The following GABRG3 variants were observed in gnomAD, a reference collection of about 807,000 sequenced individuals.
The protein encoded by GABRG3 is gamma-aminobutyric acid receptor subunit gamma-3.
In GABRG3, 25 loss-of-function variants were observed where a neutral mutation model predicts 48.8. The ratio of observed to expected loss-of-function variants is 0.51; its 90% confidence interval spans 0.37 to 0.72. The LOEUF (loss-of-function observed/expected upper bound fraction) is 0.72. Ranked by LOEUF, GABRG3 falls within the 30% of genes least tolerant of loss-of-function variation. GABRG3 has a pLI of 0.00. For synonymous variants in GABRG3, 227 were observed against 217.6 expected, an observed-to-expected ratio of 1.04 and a Z score of -0.38; for missense variants, 394 against 577.9, an observed-to-expected ratio of 0.68 and a Z score of 3.26.
intron 3 of GABRG3, among the ~76,000 whole-genome samples, chr15:27,035,928 A>T (rs1453679908): frequency 6.6e-6 from 1 of 152,226 alleles, no homozygotes; most frequent in Admixed American, 6.5e-5. Flanking sequence ...GCTGCAGAAG[A>T]GGCTGTGGAT....
At chr15:27,454,856 C>T (rs1889216380) in intron 5 of GABRG3, among the ~76,000 whole-genome samples, 1 of 152,172 alleles carries the variant, frequency 6.6e-6, no homozygotes, top group Admixed American at 6.5e-5. Context: ...AGCAGTAACC[C>T]CCGCAGGAAG....
intron 3 of GABRG3, among the ~76,000 whole-genome samples, chr15:27,306,254 A>C (rs1892432380): frequency 7.2e-6 from 1 of 139,632 alleles, no homozygotes; most frequent in Non-Finnish European, 1.5e-5. Context: ...TAATATAAAC[A>C]TGTCTATATG....
At chr15:27,315,432 A>T (rs984663771) in intron 3 of GABRG3, among the ~76,000 whole-genome samples, 1 of 152,232 alleles carries the variant, frequency 6.6e-6, no homozygotes, top group African/African-American at 2.4e-5. Context: ...CAGTTTTTGA[A>T]ATGTATGCTC....
intron 2 of GABRG3, among the ~76,000 whole-genome samples, chr15:27,021,425 A>G (rs1895892308): frequency 6.6e-6 from 1 of 152,206 alleles, no homozygotes; most frequent in African/African-American, 2.4e-5. Flanking sequence ...AAAGGTGCCC[A>G]TGACCTAAAA....
At chr15:27,201,666 C>T (rs1888689182) in intron 3 of GABRG3, among the ~76,000 whole-genome samples, 1 of 152,114 alleles carries the variant, frequency 6.6e-6, no homozygotes, top group South Asian at 2.1e-4. Context: ...AGCCAAGCCA[C>T]AAGGGGTTTA....
chr15:27,011,650 A>G (rs989600301), intron 2 of GABRG3, among the ~76,000 whole-genome samples: 15 of 151,978 alleles, frequency 9.9e-5, no homozygotes, highest in Non-Finnish European at 1.8e-4. Flanking sequence ...GATCGAGACC[A>G]TCCTGGCTAA....
chr15:27,416,978 T>G (rs1887957912), intron 5 of GABRG3, among the ~76,000 whole-genome samples: 1 of 152,222 alleles, frequency 6.6e-6, no homozygotes, highest in South Asian at 2.1e-4. Flanking sequence ...AAATGTTCAA[T>G]GAAGGGTGGC....
At chr15:27,278,527 G>C (rs1233194222) in intron 3 of GABRG3, among the ~76,000 whole-genome samples, 4 of 152,168 alleles carry the variant, frequency 2.6e-5, no homozygotes, top group Non-Finnish European at 4.4e-5. Flanking sequence ...CTCCAAGAGT[G>C]GGTTTTGAAT....
intron 3 of GABRG3, among the ~76,000 whole-genome samples, chr15:27,321,413 G>A (rs780469215): frequency 2.0e-5 from 3 of 152,270 alleles, no homozygotes; most frequent in African/African-American, 4.8e-5. Flanking sequence ...GAAGCCCACC[G>A]TCAAAGCCAT....
intron 3 of GABRG3, among the ~76,000 whole-genome samples, chr15:27,163,653 G>A (rs1026645256): frequency 2.0e-5 from 3 of 152,112 alleles, no homozygotes; most frequent in Non-Finnish European, 1.5e-5. Flanking sequence ...ACATAAGTCA[G>A]TGCTTCTCAG....
chr15:27,532,281 G>A (rs1460964953), intron 9 of GABRG3, among the ~76,000 whole-genome samples: 2 of 152,054 alleles, frequency 1.3e-5, no homozygotes, highest in East Asian at 3.9e-4. Context: ...CATTAGAATT[G>A]CAAGGATTGA....
chr15:27,154,683 C>T lies in GABRG3; in HGVS notation c.270+127862C>T, dbSNP rs371460616. ...AGCCAGGAATCCTTGGAATAAACCC[C>T]GTGTGGTCATTGTATATAATTATTT... On this transcript the variant is annotated intron_variant, in intron 3 of 9. Transcript: ENST00000615808. 1.3e-3 allele frequency among the ~76,000 whole-genome samples: 200 copies of T among 152,146 alleles called. 1 individual carries two copies. Among genetic ancestry groups the T allele is most frequent in the African/African-American group, 4.8e-3 (198 of 41,522 alleles).
At chr15:27,336,621 A>G (rs1893985827) in intron 5 of GABRG3, among the ~76,000 whole-genome samples, 1 of 152,208 alleles carries the variant, frequency 6.6e-6, no homozygotes, top group Non-Finnish European at 1.5e-5. Context: ...TTATAAAACT[A>G]AAACTGTACT....
chr15:27,266,849 A>G (rs558246438), intron 3 of GABRG3, among the ~76,000 whole-genome samples: 1 of 152,236 alleles, frequency 6.6e-6, no homozygotes, highest in African/African-American at 2.4e-5. Context: ...ATAGACATAC[A>G]ATTTATTTTT....
At chr15:27,261,794 G>A (rs536004775) in intron 3 of GABRG3, among the ~76,000 whole-genome samples, 7 of 151,920 alleles carry the variant, frequency 4.6e-5, no homozygotes, top group Non-Finnish European at 7.4e-5. Flanking sequence ...CCAAACAAAG[G>A]ATGCTTTTAC....
chr15:27,285,665 G>A (rs76528323), intron 3 of GABRG3, among the ~76,000 whole-genome samples: 373 of 152,318 alleles, frequency 2.4e-3, no homozygotes, highest in African/African-American at 8.4e-3. Context: ...TAGGATGACA[G>A]AGGCACTGCC....
intron 9 of GABRG3, among the ~76,000 whole-genome samples, chr15:27,531,263 A>G (rs73373628): frequency 0.036 from 5,555 of 152,242 alleles, 339 homozygotes; most frequent in African/African-American, 0.13. Context: ...GATGCTTCGC[A>G]TTTACAAGAA....
intron 5 of GABRG3, among the ~76,000 whole-genome samples, chr15:27,472,523 A>G (rs112978680): frequency 1.3e-5 from 2 of 152,162 alleles, no homozygotes; most frequent in African/African-American, 4.8e-5. Context: ...TGACCTGCCC[A>G]CCTTGGCCTC....
At chr15:27,001,394 A>G (rs1895444074) in intron 2 of GABRG3, among the ~76,000 whole-genome samples, 3 of 152,146 alleles carry the variant, frequency 2.0e-5, no homozygotes, top group Non-Finnish European at 4.4e-5. Flanking sequence ...CAGTCCTCCA[A>G]CTGTCTGTAG....
Sources: allele counts gnomAD v4.1 joint callset (sites outside exome capture counted in the v4.1 genomes callset), GRCh38; gene constraint gnomAD v4.1.1; transcripts MANE v1.5; gene names NCBI Gene and HGNC (gene_info 2026-07-23, HGNC 2026-07-21).